CAPN13: variants seen among roughly 807,000 people sequenced by gnomAD.
CAPN13 encodes the protein calpain 13.
In CAPN13, 90 loss-of-function variants were observed where a neutral mutation model predicts 98.4. That is an observed-to-expected ratio of 0.92 (90% CI 0.77 to 1.09). CAPN13 has a LOEUF of 1.09. CAPN13 is among the 50% of genes least tolerant of loss of function. CAPN13 has a pLI of 0.00. For synonymous variants in CAPN13, 330 were observed against 305.5 expected (o/e 1.08, Z -0.84); for missense variants, 887 against 841.3 (o/e 1.05, Z -0.67).
Position 30,751,129 on chromosome 2 carries a change from A to T in CAPN13, c.1210T>A (p.Phe404Ile). The T allele has an allele frequency of 1.2e-6, 2 of 1,613,852 alleles. No individual in the cohort carries two copies. Among genetic ancestry groups the T allele is most frequent in the Non-Finnish European group, 1.7e-6 (2 of 1,179,824 alleles). The stretch of plus-strand genomic sequence containing the variant: ...AGAATCACTTGGAAATCGAGTGGAA[A>T]TTTTGCATCTTCTGCTTTCAAATTT... ...PSNLKAEDAK[F>I]PLDFQVILAG... The change falls in exon 11 of 23, where the codon TTT becomes ATT. Residue 404 changes from phenylalanine (F) to isoleucine (I), a missense_variant. Coordinates refer to ENST00000295055, the MANE Select transcript of CAPN13 (RefSeq NM_144575.3).
chr2:30,750,282 G>C (rs1672107502), intron 11 of CAPN13, among the ~76,000 whole-genome samples: 1 of 150,914 alleles, frequency 6.6e-6, no homozygotes, highest in Non-Finnish European at 1.5e-5. Flanking sequence ...AAAGAAGGAA[G>C]CAACAGACAC....
chr2:30,743,561 G>A lies in CAPN13; in HGVS notation c.1267C>T (p.Pro423Ser). ...CTGAACGAGGAAAAAAACACGGGTG[G>A]AAATTTCTCCCGGAACCGCTGGAAT... The part of the protein sequence containing the change: ...AGSQRFREKF[P>S]PVFFSSFRNT... Residue 423 changes from proline (P) to serine (S), a missense_variant, in exon 13 of 23, where the codon CCA becomes TCA. Physicochemically the swap from Pro to Ser is moderately conservative, Grantham distance 74. Coordinates refer to ENST00000295055, the MANE Select transcript of CAPN13 (RefSeq NM_144575.3). The A allele has an allele frequency of 1.2e-6, 2 of 1,613,932 alleles. No homozygotes were observed. Among genetic ancestry groups the A allele is most frequent in the Non-Finnish European group, 1.7e-6 (2 of 1,179,860 alleles).
At chr2:30,774,171 AC>A (rs995375918) in intron 4 of CAPN13, among the ~76,000 whole-genome samples, 28 of 152,200 alleles carry the variant, frequency 1.8e-4, no homozygotes, top group African/African-American at 6.7e-4. Flanking sequence ...TTATATCAAA[AC>A]CTATGGATAC....
At chr2:30,738,480 G>A (rs1469535421) in intron 15 of CAPN13, 23 bp from the exon 16 acceptor site, 1 of 1,591,026 alleles carries the variant, frequency 6.3e-7, no homozygotes, top group South Asian at 1.1e-5. Context: ...AGGAAGGAAT[G>A]CAGGAATTAT....
At chr2:30,734,555 G>A (rs1232410107) in intron 18 of CAPN13, 31 bp from the exon 19 acceptor site, 3 of 1,561,774 alleles carry the variant, frequency 1.9e-6, no homozygotes, top group East Asian at 2.2e-5. Flanking sequence ...AGAAGTCTGT[G>A]TGAAGACTGG....
intron 6 of CAPN13, 78 bp downstream of exon 6, chr2:30,764,054 A>C: frequency 7.1e-7 from 1 of 1,411,264 alleles, no homozygotes; most frequent in Non-Finnish European, 9.6e-7. Flanking sequence ...CATCCTCCTT[A>C]GCTGAATGGA....
chr2:30,760,463 G>A (rs772884387), intron 7 of CAPN13, among the ~76,000 whole-genome samples: 7 of 152,148 alleles, frequency 4.6e-5, no homozygotes, highest in Admixed American at 3.9e-4. Flanking sequence ...AGCAGCCTGC[G>A]ATTCAAAGGG....
intron 4 of CAPN13, among the ~76,000 whole-genome samples, chr2:30,772,950 C>G (rs1673487519): frequency 6.6e-6 from 1 of 152,144 alleles, no homozygotes; most frequent in Non-Finnish European, 1.5e-5. Flanking sequence ...TTCTGCCTCC[C>G]AAGTAGCTGG....
intron 2 of CAPN13, among the ~76,000 whole-genome samples, chr2:30,778,831 T>C (rs544358807): frequency 6.6e-6 from 1 of 152,238 alleles, no homozygotes; most frequent in South Asian, 2.1e-4. Flanking sequence ...CCCTCCCGGG[T>C]GAGGGGGACC....
rs761199919 is a variant in CAPN13 at position 30,787,339 on chromosome 2, A to C, written c.-14T>G. 1.9e-6 allele frequency: 3 copies of C among 1,605,042 alleles called. No individual in the cohort carries two copies. The highest frequency in any genetic ancestry group is 3.4e-5 in the Admixed American group (2 of 58,678). On this transcript the variant is annotated 5_prime_UTR_variant, in exon 2 of 23. Coordinates refer to ENST00000295055, the MANE Select transcript of CAPN13 (RefSeq NM_144575.3). ...GTAATACGCCATGACTCTCCTTAGA[A>C]GACTTCCGAGGTCCTTTCCTGTTGG...
At chr2:30,800,141 A>AAAGAAAGAAAGAAAGAAAGAAAGT (rs1675156644) in intron 1 of CAPN13, among the ~76,000 whole-genome samples, 5 of 146,318 alleles carry the variant, frequency 3.4e-5, no homozygotes, top group African/African-American at 1.3e-4. Context: ...AGAAAGAAAG[A>AAAGAAAGAAAGAAAGAAAGAAAGT]AAGAAAGAAA....
intron 12 of CAPN13, 159 bp from the exon 13 acceptor site, chr2:30,743,738 G>A: frequency 1.4e-6 from 1 of 731,036 alleles, no homozygotes; most frequent in Non-Finnish European, 2.4e-6. Flanking sequence ...GTCTCAAAAA[G>A]CAGTAGTGTT....
intron 7 of CAPN13, among the ~76,000 whole-genome samples, chr2:30,758,821 C>CTCCCT (rs1364194301): frequency 1.2e-5 from 1 of 81,884 alleles, no homozygotes; most frequent in Non-Finnish European, 2.4e-5. Context: ...CCCTTCCTCC[C>CTCCCT]TTCCTTCCTC....
Position 30,789,945 on chromosome 2 carries a change from G to T in CAPN13, c.-32-2588C>A, listed in dbSNP as rs192197607. 3.4e-3 allele frequency among the ~76,000 whole-genome samples: 514 copies of T among 152,278 alleles called. 5 individuals carry two copies. Among genetic ancestry groups the T allele is most frequent in the African/African-American group, 0.012 (486 of 41,570 alleles). On this transcript the variant is annotated intron_variant, in intron 1 of 22. Coordinates refer to ENST00000295055, the MANE Select transcript of CAPN13 (RefSeq NM_144575.3). ...TTACTGCTCTGCATTCACTACATGG[G>T]CTGCCCAGGCCTGGGGGAAGGGAAG...
intron 2 of CAPN13, among the ~76,000 whole-genome samples, chr2:30,782,808 CT>C (rs1353164858): frequency 4.6e-5 from 7 of 152,228 alleles, no homozygotes; most frequent in Admixed American, 4.6e-4. Context: ...TCTGACAACA[CT>C]GGTGATTGTT....
chr2:30,794,208 CA>C (rs1674740901), intron 1 of CAPN13, among the ~76,000 whole-genome samples: 1 of 151,312 alleles, frequency 6.6e-6, no homozygotes, highest in South Asian at 2.1e-4. Context: ...AATCAATAAT[CA>C]GAAAAAAAAC....
intron 19 of CAPN13, 72 bp from the exon 20 acceptor site, chr2:30,732,638 A>G: frequency 1.9e-6 from 3 of 1,541,674 alleles, no homozygotes; most frequent in Non-Finnish European, 1.7e-6. Context: ...TCAGGGTCTG[A>G]GACACCTGTT....
chr2:30,777,536 A>G, intron 3 of CAPN13, 31 bp downstream of exon 3: 1 of 1,545,944 alleles, frequency 6.5e-7, no homozygotes, highest in Non-Finnish European at 8.8e-7. Context: ...CTTCCTATCC[A>G]GGGCACGGAG....
chr2:30,788,505 A>G (rs1674442815), intron 1 of CAPN13, among the ~76,000 whole-genome samples: 1 of 152,172 alleles, frequency 6.6e-6, no homozygotes. Context: ...TGGGAATTGA[A>G]AAACCTCTCT....
Sources: gnomAD v4.1 joint callset for allele counts (sites outside exome capture counted in the v4.1 genomes callset) on GRCh38, gnomAD v4.1.1 for gene constraint, MANE v1.5 for transcripts, NCBI Gene and HGNC (gene_info 2026-07-23, HGNC 2026-07-21) for gene names.